The following EPM2A variants were observed in gnomAD, a reference collection of about 807,000 sequenced individuals.
EPM2A encodes the protein laforin.
EPM2A carries 21 observed loss-of-function variants against 26.5 expected under a neutral mutation model. The observed-to-expected ratio is 0.79, with a 90% CI of 0.56 to 1.14. The LOEUF (loss-of-function observed/expected upper bound fraction) is 1.14, where lower values mean the gene tolerates loss of function less well. EPM2A is among the 50% of genes most tolerant of loss of function. The probability of loss-of-function intolerance (pLI) is 0.00; values close to 1 mark genes in which losing one functional copy is unlikely to be tolerated. For synonymous variants in EPM2A, 217 were observed against 177.6 expected (o/e 1.22, Z -1.76); for missense variants, 458 against 440.8 (o/e 1.04, Z -0.35).
At chr6:145,398,723 G>A (rs1211535263) in intron 4 of EPM2A, among the ~76,000 whole-genome samples, 1 of 152,014 alleles carries the variant, frequency 6.6e-6, no homozygotes, top group Admixed American at 6.6e-5. Flanking sequence ...AGCTGGCTGA[G>A]GTGGTATGTG....
At chr6:145,469,072 C>CTG (rs1396457095) in intron 4 of EPM2A, among the ~76,000 whole-genome samples, 2 of 152,114 alleles carry the variant, frequency 1.3e-5, no homozygotes, top group Non-Finnish European at 2.9e-5. Context: ...GTTTAATTGA[C>CTG]TGACAGTTTC....
chr6:145,711,696 C>T (rs907401112), intron 1 of EPM2A, among the ~76,000 whole-genome samples: 1 of 152,066 alleles, frequency 6.6e-6, no homozygotes, highest in South Asian at 2.1e-4. Flanking sequence ...GATAAATATA[C>T]CTAACAGATA....
chr6:145,655,616 G>A (rs1479918939), intron 2 of EPM2A, among the ~76,000 whole-genome samples: 2 of 152,098 alleles, frequency 1.3e-5, no homozygotes, highest in African/African-American at 4.8e-5. Flanking sequence ...CAAAATTCAT[G>A]AGAAATATGG....
At chr6:145,388,567 A>C (rs11758922) in intron 4 of EPM2A, among the ~76,000 whole-genome samples, 7,634 of 152,172 alleles carry the variant, frequency 0.05, 446 homozygotes, top group African/African-American at 0.14. Context: ...CAGAACGTGC[A>C]TGTTTGTTAC....
At chr6:145,487,788 G>A (rs900143467) in intron 4 of EPM2A, among the ~76,000 whole-genome samples, 2 of 152,114 alleles carry the variant, frequency 1.3e-5, no homozygotes, top group Non-Finnish European at 2.9e-5. Flanking sequence ...TGTGTTGATA[G>A]TTTCTTTGGC....
chr6:145,452,210 G>C (rs1422959077), intron 4 of EPM2A, among the ~76,000 whole-genome samples: 6 of 152,122 alleles, frequency 3.9e-5, no homozygotes, highest in African/African-American at 1.4e-4. Flanking sequence ...GGACTACCCA[G>C]ATCTCTGTCC....
chr6:145,615,610 G>A (rs1470400204), intron 2 of EPM2A, among the ~76,000 whole-genome samples: 2 of 152,070 alleles, frequency 1.3e-5, no homozygotes, highest in African/African-American at 2.4e-5. Flanking sequence ...AAGAAGACAG[G>A]AAAATGTGGG....
chr6:145,480,461 C>T (rs772739407), intron 4 of EPM2A, among the ~76,000 whole-genome samples: 1 of 151,984 alleles, frequency 6.6e-6, no homozygotes, highest in Non-Finnish European at 1.5e-5. Flanking sequence ...GAACACAAAC[C>T]CAAATCTTAA....
At chr6:145,667,549 A>C (rs1779301151) in intron 2 of EPM2A, among the ~76,000 whole-genome samples, 1 of 151,364 alleles carries the variant, frequency 6.6e-6, no homozygotes, top group Non-Finnish European at 1.5e-5. Context: ...AAATAGGAAC[A>C]CTTTACACTG....
chr6:145,663,350 G>T (rs1410804195), intron 2 of EPM2A, among the ~76,000 whole-genome samples: 1 of 152,234 alleles, frequency 6.6e-6, no homozygotes, highest in Non-Finnish European at 1.5e-5. Flanking sequence ...TGAGGTACCG[G>T]GTTCATCTCA....
chr6:145,586,115 G>T (rs983977135), intron 2 of EPM2A, among the ~76,000 whole-genome samples: 1 of 152,150 alleles, frequency 6.6e-6, no homozygotes, highest in Non-Finnish European at 1.5e-5. Flanking sequence ...CTTCACCTGG[G>T]TTCTACCTTC....
At chr6:145,577,425 AC>A (rs1781047150) in intron 2 of EPM2A, among the ~76,000 whole-genome samples, 1 of 152,050 alleles carries the variant, frequency 6.6e-6, no homozygotes, top group Admixed American at 6.5e-5. Flanking sequence ...AGATTTCAAG[AC>A]AAAAACTATG....
At chr6:145,683,908 CAACT>C (rs1422537904) in intron 2 of EPM2A, among the ~76,000 whole-genome samples, 4 of 151,966 alleles carry the variant, frequency 2.6e-5, no homozygotes, top group Non-Finnish European at 5.9e-5. Flanking sequence ...TAAATATGAA[CAACT>C]AATAATCATG....
rs373940229 is a variant in EPM2A at position 145,409,203 on chromosome 6, T to C, written c.556-25106A>G. Among the ~76,000 whole-genome samples the C allele has an allele frequency of 3.9e-5, 6 of 152,228 alleles. No homozygotes were observed. In the East Asian group the frequency reaches 7.7e-4, roughly 20 times the overall value. On this transcript the variant is annotated intron_variant, in intron 4 of 4. Coordinates refer to the EPM2A transcript ENST00000638717. ...TGCAAGCTGTAATGTCACATGTCTG[T>C]AGAGCAACTTATGGTTTATTAAGTC...
chr6:145,719,739 T>C (rs1775851542), intron 1 of EPM2A, among the ~76,000 whole-genome samples: 1 of 152,200 alleles, frequency 6.6e-6, no homozygotes, highest in Non-Finnish European at 1.5e-5. Flanking sequence ...CCTCAAGGGC[T>C]GTAAATTTTT....
At chr6:145,707,067 T>C (rs1011147905) in intron 1 of EPM2A, among the ~76,000 whole-genome samples, 1 of 152,220 alleles carries the variant, frequency 6.6e-6, no homozygotes, top group Admixed American at 6.5e-5. Flanking sequence ...AATCTATTAA[T>C]ACTGGTGCCT....
chr6:145,412,569 C>A (rs374063701), intron 4 of EPM2A, among the ~76,000 whole-genome samples: 1 of 152,140 alleles, frequency 6.6e-6, no homozygotes, highest in African/African-American at 2.4e-5. Flanking sequence ...ATTGTTCTGG[C>A]CAAAAATCAA....
intron 2 of EPM2A, among the ~76,000 whole-genome samples, chr6:145,612,729 T>C (rs1775418777): frequency 6.8e-6 from 1 of 147,740 alleles, no homozygotes; most frequent in African/African-American, 2.5e-5. Flanking sequence ...ATATTATATA[T>C]ATTATATTAT....
intron 1 of EPM2A, among the ~76,000 whole-genome samples, chr6:145,696,176 A>G (rs549564975): frequency 7.2e-5 from 11 of 152,288 alleles, no homozygotes; most frequent in African/African-American, 2.6e-4. Flanking sequence ...TGAACAACTA[A>G]TAAGTCAAAG....
Sources: gnomAD v4.1 joint callset for allele counts (sites outside exome capture counted in the v4.1 genomes callset) on GRCh38, gnomAD v4.1.1 for gene constraint, MANE v1.5 for transcripts, NCBI Gene and HGNC (gene_info 2026-07-23, HGNC 2026-07-21) for gene names.